The following KANK4 variants were observed in gnomAD, a reference collection of about 807,000 sequenced individuals.
KANK4 encodes the protein KN motif and ankyrin repeat domains 4, also known as KN motif and ankyrin repeat domain-containing protein 4.
A neutral mutation model predicts 80.8 loss-of-function variants in KANK4; 50 were observed. That is an observed-to-expected ratio of 0.62 (90% confidence interval 0.49 to 0.78). The LOEUF (loss-of-function observed/expected upper bound fraction) is 0.78, where lower values mean the gene tolerates loss of function less well. KANK4 is among the 30% of genes least tolerant of loss of function. KANK4 has a pLI of 0.00. For synonymous variants in KANK4, 465 were observed against 506.9 expected (o/e 0.92, Z 1.11); for missense variants, 1,196 against 1,240.1 (o/e 0.96, Z 0.53).
At chr1:62,284,373 T>G (rs774923378) in intron 1 of KANK4, among the ~76,000 whole-genome samples, 3 of 152,204 alleles carry the variant, frequency 2.0e-5, no homozygotes, top group Non-Finnish European at 4.4e-5. Flanking sequence ...ATAAAGCCAT[T>G]TCTTTTGATC....
At chr1:62,247,122 C>T (rs1671484681) in intron 9 of KANK4, among the ~76,000 whole-genome samples, 1 of 151,640 alleles carries the variant, frequency 6.6e-6, no homozygotes, top group Non-Finnish European at 1.5e-5. Flanking sequence ...AACTCTTGGC[C>T]TCAAGCAATC....
intron 1 of KANK4, among the ~76,000 whole-genome samples, chr1:62,317,521 C>T (rs1379413256): frequency 6.6e-6 from 1 of 152,202 alleles, no homozygotes; most frequent in Non-Finnish European, 1.5e-5. Context: ...CTGGACCAGT[C>T]AATGGGATGC....
chr1:62,241,607 A>T (rs1671343802), intron 9 of KANK4, among the ~76,000 whole-genome samples: 1 of 152,216 alleles, frequency 6.6e-6, no homozygotes. Flanking sequence ...CATTGTTGAA[A>T]GAGAGAATGC....
intron 1 of KANK4, among the ~76,000 whole-genome samples, chr1:62,302,070 A>C (rs17123399): frequency 6.6e-6 from 1 of 152,004 alleles, no homozygotes; most frequent in African/African-American, 2.4e-5. Flanking sequence ...CTGTTCTATG[A>C]TGTCAGATGC....
intron 9 of KANK4, among the ~76,000 whole-genome samples, chr1:62,243,087 C>T (rs1035167703): frequency 1.6e-4 from 25 of 152,110 alleles, no homozygotes; most frequent in East Asian, 1.9e-4. Context: ...ACCACTGTGC[C>T]GGCTGGGCTT....
chr1:62,257,285 G>C (rs777023716), intron 7 of KANK4, among the ~76,000 whole-genome samples: 1 of 152,020 alleles, frequency 6.6e-6, no homozygotes, highest in African/African-American at 2.4e-5. Context: ...ATGGGGTTTC[G>C]CCATGTTGGC....
chr1:62,257,366 GT>G (rs1205673028), intron 7 of KANK4, among the ~76,000 whole-genome samples: 2 of 152,196 alleles, frequency 1.3e-5, no homozygotes, highest in African/African-American at 2.4e-5. Context: ...AGGATTACAG[GT>G]GTGAGCCACT....
rs531002565 is a variant in KANK4 at position 62,258,577 on chromosome 1, G to C, written c.2539+4515C>G. On this transcript the variant is annotated intron_variant, in intron 7 of 9. Coordinates refer to ENST00000371153, the MANE Select transcript of KANK4 (RefSeq NM_181712.5). ...TGCTTAGCAGAATTTTGAAGACTTG[G>C]AAGTTTACTGGAATTTAACCTAGCT... 3.9e-5 allele frequency among the ~76,000 whole-genome samples: 6 copies of C among 152,318 alleles called. No homozygotes were observed. In the South Asian group the frequency reaches 1.2e-3, roughly 32 times the overall value.
intron 2 of KANK4, among the ~76,000 whole-genome samples, chr1:62,277,762 T>C (rs1228574828): frequency 1.3e-5 from 2 of 152,186 alleles, no homozygotes; most frequent in African/African-American, 4.8e-5. Context: ...AAAAAAGTCT[T>C]CAGCCTTCAT....
chr1:62,249,356 G>T (rs936516182), intron 8 of KANK4, among the ~76,000 whole-genome samples: 1 of 94,080 alleles, frequency 1.1e-5, no homozygotes, highest in Non-Finnish European at 2.1e-5. Flanking sequence ...TTGTGTGTGT[G>T]CGTGTGTGTA....
At chr1:62,317,580 A>G (rs1219164074) in intron 1 of KANK4, among the ~76,000 whole-genome samples, 1 of 152,250 alleles carries the variant, frequency 6.6e-6, no homozygotes, top group African/African-American at 2.4e-5. Context: ...CTCAGCCAAC[A>G]GAGGCTTTCA....
At chr1:62,300,993 G>A (rs562778549) in intron 1 of KANK4, among the ~76,000 whole-genome samples, 2 of 152,012 alleles carry the variant, frequency 1.3e-5, no homozygotes, top group Non-Finnish European at 2.9e-5. Context: ...ATCTGAAATT[G>A]CAGGCATAAT....
intron 6 of KANK4, among the ~76,000 whole-genome samples, chr1:62,263,632 CT>C (rs1671948295): frequency 6.6e-6 from 1 of 152,158 alleles, no homozygotes; most frequent in Non-Finnish European, 1.5e-5. Context: ...GCTCAAACCC[CT>C]GGTATGCGCA....
At chr1:62,289,963 G>A (rs80203329) in intron 1 of KANK4, among the ~76,000 whole-genome samples, 1,835 of 152,248 alleles carry the variant, frequency 0.012, 35 homozygotes, top group African/African-American at 0.042. Context: ...CTTTGCTTGT[G>A]AAATAAGACT....
chr1:62,291,308 G>C (rs1373236340), intron 1 of KANK4, among the ~76,000 whole-genome samples: 1 of 152,154 alleles, frequency 6.6e-6, no homozygotes, highest in African/African-American at 2.4e-5. Flanking sequence ...TGTTGTACAA[G>C]TTCTTCACAT....
chr1:62,314,165 T>C (rs1644520727), intron 1 of KANK4, among the ~76,000 whole-genome samples: 1 of 151,990 alleles, frequency 6.6e-6, no homozygotes, highest in Non-Finnish European at 1.5e-5. Flanking sequence ...AGGCATGTGC[T>C]ACCATGCCCA....
chr1:62,280,925 T>C (rs1047723055), intron 2 of KANK4, among the ~76,000 whole-genome samples: 3 of 152,052 alleles, frequency 2.0e-5, no homozygotes, highest in Non-Finnish European at 2.9e-5. Context: ...AACAGCAATA[T>C]GACATATGCA....
At chr1:62,286,083 A>G (rs956795558) in intron 1 of KANK4, among the ~76,000 whole-genome samples, 1 of 152,046 alleles carries the variant, frequency 6.6e-6, no homozygotes, top group Non-Finnish European at 1.5e-5. Flanking sequence ...AATCTCATTA[A>G]CTCCATTCCC....
chr1:62,242,361 CAAAAAAAAAA>C (rs57320794), intron 9 of KANK4, among the ~76,000 whole-genome samples: 15 of 66,144 alleles, frequency 2.3e-4, no homozygotes, highest in Admixed American at 5.9e-4. Context: ...GACCATACCT[CAAAAAAAAAA>C]AAAAAAAAAA....
Sources: gnomAD v4.1 joint callset for allele counts (sites outside exome capture counted in the v4.1 genomes callset) on GRCh38, gnomAD v4.1.1 for gene constraint, MANE v1.5 for transcripts, NCBI Gene and HGNC (gene_info 2026-07-23, HGNC 2026-07-21) for gene names.